LRRC36: variants seen among roughly 807,000 people sequenced by gnomAD.
LRRC36 encodes the protein leucine-rich repeat-containing protein 36.
A neutral mutation model predicts 81.1 loss-of-function variants in LRRC36; 62 were observed. That is an observed-to-expected ratio of 0.76 (90% CI 0.62 to 0.94). LRRC36 has a LOEUF of 0.94. LRRC36 is among the 40% of genes least tolerant of loss of function. The pLI, the probability that LRRC36 is intolerant of heterozygous loss-of-function variation, is 0.00. For missense variants in LRRC36, 761 were observed against 881.7 expected (o/e 0.86, Z 1.73); for synonymous variants, 334 against 348.6 (o/e 0.96, Z 0.47).
At chr16:67,358,367 G>A (rs1029005624) in intron 5 of LRRC36, among the ~76,000 whole-genome samples, 4 of 151,994 alleles carry the variant, frequency 2.6e-5, no homozygotes, top group African/African-American at 4.8e-5. Context: ...TTTAAAAACC[G>A]GAATGTAGTG....
intron 13 of LRRC36, among the ~76,000 whole-genome samples, chr16:67,383,093 A>G (rs1444677335): frequency 6.6e-6 from 1 of 150,860 alleles, no homozygotes; most frequent in Non-Finnish European, 1.5e-5. Flanking sequence ...AAAAAAAAAA[A>G]AAAGCAACCC....
chr16:67,342,005 A>G lies in LRRC36; in HGVS notation c.119A>G (p.His40Arg). 2 of 1,610,602 alleles carry G rather than the reference A, an allele frequency of 1.2e-6. No homozygotes were observed. Among genetic ancestry groups the G allele is most frequent in the Non-Finnish European group, 8.5e-7 (1 of 1,177,542 alleles). Reference sequence around the variant, plus strand: ...CAGGGATCTTATGCTGGCAAAATCCATTCCATTGGTGATGCCTTCAGAAAT... The same window carrying G: ...CAGGGATCTTATGCTGGCAAAATCCGTTCCATTGGTGATGCCTTCAGAAAT... ...SLQGSYAGKI[H>R]SIGDAFRNFK... Residue 40 changes from histidine (H) to arginine (R), a missense_variant, in exon 2 of 14, where the codon CAT becomes CGT. By Grantham distance (29) the His-to-Arg change is conservative. This residue lies in a region of LRRC36 where 263 missense variants were observed against 279.3 expected (regional missense o/e 0.94). Transcript: ENST00000329956.
chr16:67,366,564 A>G (rs1180893187), intron 7 of LRRC36, among the ~76,000 whole-genome samples: 1 of 152,138 alleles, frequency 6.6e-6, no homozygotes, highest in Non-Finnish European at 1.5e-5. Flanking sequence ...AGCCTGGCCA[A>G]CACGGTGAAA....
intron 2 of LRRC36, among the ~76,000 whole-genome samples, chr16:67,345,589 A>G (rs1296432714): frequency 6.6e-6 from 1 of 152,136 alleles, no homozygotes; most frequent in Non-Finnish European, 1.5e-5. Flanking sequence ...GAACTGACTG[A>G]TTGATTAAAT....
At chr16:67,368,302 T>C (rs2039491164) in intron 8 of LRRC36, among the ~76,000 whole-genome samples, 1 of 152,166 alleles carries the variant, frequency 6.6e-6, no homozygotes, top group South Asian at 2.1e-4. Context: ...TGCAAATATA[T>C]GTCAGGTTAT....
intron 1 of LRRC36, among the ~76,000 whole-genome samples, chr16:67,335,797 A>G (rs1400650967): frequency 6.6e-6 from 1 of 151,132 alleles, no homozygotes; most frequent in Non-Finnish European, 1.5e-5. Flanking sequence ...CAGTGGCACG[A>G]TCTTGGCTCA....
At chr16:67,376,501 T>A (rs1185456888) in intron 10 of LRRC36, among the ~76,000 whole-genome samples, 1 of 152,228 alleles carries the variant, frequency 6.6e-6, no homozygotes, top group Non-Finnish European at 1.5e-5. Context: ...AATCAATGAC[T>A]AAGGAATTAT....
chr16:67,328,615 T>C (rs1480881771), intron 1 of LRRC36, among the ~76,000 whole-genome samples: 1 of 152,236 alleles, frequency 6.6e-6, no homozygotes, highest in Non-Finnish European at 1.5e-5. Flanking sequence ...AGGCAATTAC[T>C]GTTACCAGTA....
At chr16:67,367,634 T>C (rs1420921870) in intron 8 of LRRC36, among the ~76,000 whole-genome samples, 177 bp downstream of exon 8, 2 of 152,186 alleles carry the variant, frequency 1.3e-5, no homozygotes, top group Non-Finnish European at 2.9e-5. Context: ...TTTAACATGA[T>C]ATATATATTA....
chr16:67,347,315 C>T, intron 3 of LRRC36, 180 bp from the exon 4 acceptor site: 2 of 1,212,768 alleles, frequency 1.6e-6, no homozygotes, highest in Admixed American at 6.0e-5. Context: ...TTCCTGCAGT[C>T]TCCCTGAGTT....
rs766396401 is a variant in LRRC36 at position 67,326,874 on chromosome 16, A to G, written c.12A>G (p.Gln4=). The change falls in exon 1 of 14, where the codon CAA becomes CAG. Residue 4 remains glutamine (Q), a synonymous_variant. Coordinates refer to ENST00000329956, the MANE Select transcript of LRRC36 (RefSeq NM_018296.6). ...AGCGGCGGGCGGGGATGGCGGAGCA[A>G]TGGGAGCTGGACGAGGAAGGCATTC... The part of the protein sequence containing the change: MAE[Q]WELDEEGIRR... The G allele has an allele frequency of 2.1e-6, 3 of 1,444,938 alleles. No homozygotes were observed. Among genetic ancestry groups the G allele is most frequent in the Non-Finnish European group, 2.7e-6 (3 of 1,109,614 alleles). The allele number at this position is 1,444,938 out of a possible 1,614,324, so 89.5% of individuals were successfully genotyped here.
At chr16:67,370,525 C>T (rs942783975) in intron 8 of LRRC36, among the ~76,000 whole-genome samples, 4 of 150,542 alleles carry the variant, frequency 2.7e-5, no homozygotes, top group African/African-American at 2.4e-5. Context: ...CCCAGCTACT[C>T]GGGAGGCTGG....
chr16:67,341,012 C>CTATAGAATATAGAATATGTATATTATA (rs2038030347), intron 1 of LRRC36, among the ~76,000 whole-genome samples: 1 of 90,056 alleles, frequency 1.1e-5, no homozygotes, highest in African/African-American at 6.4e-5. Flanking sequence ...AATATGTATT[C>CTATAGAATATAGAATATGTATATTATA]TATAGAATAT....
intron 2 of LRRC36, among the ~76,000 whole-genome samples, chr16:67,345,682 A>T (rs2038311248): frequency 6.6e-6 from 1 of 152,112 alleles, no homozygotes; most frequent in Non-Finnish European, 1.5e-5. Context: ...GGACTTGGAG[A>T]TAGCATTGTT....
chr16:67,378,257 T>TTTTTTTTTTTA (rs2039980970), intron 11 of LRRC36, among the ~76,000 whole-genome samples: 2 of 148,572 alleles, frequency 1.3e-5, no homozygotes, highest in African/African-American at 5.0e-5. Flanking sequence ...TTTTTTTTTT[T>TTTTTTTTTTTA]GAGACGGATT....
At chr16:67,376,118 G>C (rs559503109) in intron 10 of LRRC36, among the ~76,000 whole-genome samples, 3 of 152,176 alleles carry the variant, frequency 2.0e-5, no homozygotes, top group African/African-American at 7.2e-5. Flanking sequence ...CACCAGCCTG[G>C]CCAACATGGT....
intron 3 of LRRC36, 78 bp from the exon 4 acceptor site, chr16:67,347,417 A>C: frequency 6.3e-7 from 1 of 1,591,286 alleles, no homozygotes. Context: ...TCCTCTGCGA[A>C]TATGGTTTTC....
chr16:67,336,575 A>G (rs1597427228), intron 1 of LRRC36: 1 of 152,112 alleles, frequency 6.6e-6, no homozygotes, highest in Non-Finnish European at 1.5e-5. Context: ...TATGATGTTG[A>G]CCATTTTTTT....
chr16:67,377,383 C>T (rs757186365), intron 11 of LRRC36, among the ~76,000 whole-genome samples: 3 of 152,140 alleles, frequency 2.0e-5, no homozygotes, highest in Non-Finnish European at 4.4e-5. Context: ...CAGCCTCGAG[C>T]GCAGTGGCAC....
Sources: gnomAD v4.1 joint callset for allele counts (sites outside exome capture counted in the v4.1 genomes callset) on GRCh38, gnomAD v4.1.1 for gene constraint, gnomAD v4.1.1 regional missense constraint, MANE v1.5 for transcripts, NCBI Gene and HGNC (gene_info 2026-07-23, HGNC 2026-07-21) for gene names.